The following ROBO2 variants were observed in gnomAD, a reference collection of about 807,000 sequenced individuals.
ROBO2 encodes roundabout homolog 2.
In ROBO2, 53 loss-of-function variants were observed where a neutral mutation model predicts 160.8. The observed-to-expected ratio is 0.33, with a 90% CI of 0.26 to 0.41. The LOEUF is 0.41. ROBO2 is among the 10% of genes least tolerant of loss of function. ROBO2 has a pLI of 1.00. For synonymous variants in ROBO2, 664 were observed against 611.7 expected, an observed-to-expected ratio of 1.09 and a Z score of -1.26; for missense variants, 1,577 against 1,722.4, an observed-to-expected ratio of 0.92 and a Z score of 1.49.
chr3:77,020,212 A>G (rs1034762655), intron 2 of ROBO2, among the ~76,000 whole-genome samples: 26 of 152,232 alleles, frequency 1.7e-4, no homozygotes, highest in African/African-American at 6.0e-4. Flanking sequence ...TAGAAAATAC[A>G]TCTTGATTTT....
At chr3:76,608,904 T>G (rs993651008) in intron 2 of ROBO2, among the ~76,000 whole-genome samples, 9 of 152,164 alleles carry the variant, frequency 5.9e-5, no homozygotes, top group African/African-American at 2.2e-4. Context: ...CAATATGTAG[T>G]CTTTTTTCCC....
chr3:77,588,659 A>T, intron 16 of ROBO2, 92 bp from the exon 18 acceptor site: 1 of 1,213,526 alleles, frequency 8.2e-7, no homozygotes, highest in Non-Finnish European at 1.2e-6. Context: ...TCCTGCCTTC[A>T]AATAATTTTT....
chr3:77,532,846 T>C (rs1237839227), intron 6 of ROBO2, among the ~76,000 whole-genome samples: 1 of 152,038 alleles, frequency 6.6e-6, no homozygotes, highest in Admixed American at 6.6e-5. Flanking sequence ...TATAATTTCA[T>C]TTAGACGATG....
At chr3:77,089,148 G>A (rs138896484) in intron 1 of ROBO2, among the ~76,000 whole-genome samples, 1 of 152,136 alleles carries the variant, frequency 6.6e-6, no homozygotes, top group African/African-American at 2.4e-5. Flanking sequence ...CTAGTGCTTG[G>A]GATTTTCTAA....
chr3:76,612,551 G>A (rs1393873401), intron 2 of ROBO2, among the ~76,000 whole-genome samples: 1 of 152,066 alleles, frequency 6.6e-6, no homozygotes, highest in Non-Finnish European at 1.5e-5. Context: ...GCCCTGTTTG[G>A]GGTAGGGGAC....
At chr3:77,251,008 TCATGTCTG>T (rs2090281267) in intron 2 of ROBO2, among the ~76,000 whole-genome samples, 1 of 152,088 alleles carries the variant, frequency 6.6e-6, no homozygotes, top group African/African-American at 2.4e-5. Context: ...GGTTGCAGTC[TCATGTCTG>T]CAGCTTTCTC....
intron 2 of ROBO2, among the ~76,000 whole-genome samples, chr3:77,193,448 G>GTTTTTTTTT (rs552295952): frequency 7.4e-5 from 9 of 121,608 alleles, no homozygotes; most frequent in South Asian, 2.7e-4. Flanking sequence ...GCCCAGCTAA[G>GTTTTTTTTT]TTTTTTTTTT....
chr3:76,987,371 G>T (rs1215640258), intron 2 of ROBO2, among the ~76,000 whole-genome samples: 1 of 152,066 alleles, frequency 6.6e-6, no homozygotes, highest in African/African-American at 2.4e-5. Context: ...GGAATCATGC[G>T]TCACAGTGTT....
At chr3:76,427,319 G>T (rs1474682723) in intron 2 of ROBO2, among the ~76,000 whole-genome samples, 1 of 152,032 alleles carries the variant, frequency 6.6e-6, no homozygotes, top group East Asian at 1.9e-4. Flanking sequence ...GGAAGTGGGG[G>T]AAGGAGGAAA....
chr3:76,564,845 T>C (rs1453333852), intron 2 of ROBO2, among the ~76,000 whole-genome samples: 1 of 152,216 alleles, frequency 6.6e-6, no homozygotes, highest in African/African-American at 2.4e-5. Flanking sequence ...ATGGTAATAC[T>C]TGCATTGTGT....
intron 2 of ROBO2, among the ~76,000 whole-genome samples, chr3:77,434,895 G>T (rs1438729922): frequency 6.6e-6 from 1 of 151,974 alleles, no homozygotes; most frequent in African/African-American, 2.4e-5. Flanking sequence ...ATAAAATGAA[G>T]AAACAGCCAG....
intron 2 of ROBO2, among the ~76,000 whole-genome samples, chr3:77,222,469 A>C (rs2085950700): frequency 1.3e-5 from 2 of 152,246 alleles, no homozygotes; most frequent in South Asian, 4.2e-4. Context: ...CTTTTTCAGA[A>C]GACTTTTTTT....
At chr3:77,460,441 C>T (rs1289757652) in intron 2 of ROBO2, among the ~76,000 whole-genome samples, 1 of 152,010 alleles carries the variant, frequency 6.6e-6, no homozygotes, top group Non-Finnish European at 1.5e-5. Flanking sequence ...TGGAGGCATG[C>T]ATTTTGGGAT....
intron 2 of ROBO2, among the ~76,000 whole-genome samples, chr3:76,620,595 T>C (rs1460741786): frequency 1.3e-5 from 2 of 152,188 alleles, no homozygotes; most frequent in Non-Finnish European, 2.9e-5. Context: ...CTAATTTTTA[T>C]GTGTTTAATA....
intron 17 of ROBO2, 121 bp from the exon 19 acceptor site, chr3:77,595,021 A>G (rs2094267063): frequency 2.7e-6 from 2 of 747,962 alleles, no homozygotes; most frequent in African/African-American, 3.5e-5. Flanking sequence ...TGTTAATTAT[A>G]TTTTGTTAAA....
At chr3:76,220,489 T>C (rs1242651927) in intron 2 of ROBO2, among the ~76,000 whole-genome samples, 1 of 152,114 alleles carries the variant, frequency 6.6e-6, no homozygotes, top group Non-Finnish European at 1.5e-5. Context: ...GCTGCTTTTG[T>C]CTTTCTGCCC....
intron 2 of ROBO2, among the ~76,000 whole-genome samples, chr3:77,372,566 T>G (rs72897301): frequency 0.11 from 16,352 of 152,162 alleles, 1,740 homozygotes; most frequent in African/African-American, 0.24. Context: ...AAAACTGAGT[T>G]GCTTAAAGTC....
At chr3:76,901,750 T>G (rs2148878487) in intron 2 of ROBO2, among the ~76,000 whole-genome samples, 1 of 152,164 alleles carries the variant, frequency 6.6e-6, no homozygotes, top group African/African-American at 2.4e-5. Flanking sequence ...TTAAAGCACT[T>G]TTTGACCCAC....
chr3:76,366,418 A>G (rs80205061), intron 2 of ROBO2, among the ~76,000 whole-genome samples: 1,693 of 152,114 alleles, frequency 0.011, 21 homozygotes, highest in Middle Eastern at 0.024. Context: ...TCTCTGATAC[A>G]TATTAGGCAT....
Sources: allele counts gnomAD v4.1 joint callset (sites outside exome capture counted in the v4.1 genomes callset), GRCh38; gene constraint gnomAD v4.1.1; transcripts MANE v1.5; gene names NCBI Gene and HGNC (gene_info 2026-07-23, HGNC 2026-07-21).